Variants in RAD51B observed in about 807,000 individuals in gnomAD.
RAD51B encodes DNA repair protein RAD51 homolog 2.
In RAD51B, 38 loss-of-function variants were observed where a neutral mutation model predicts 42.2. That is an observed-to-expected ratio of 0.90 (90% confidence interval 0.70 to 1.18). The LOEUF (loss-of-function observed/expected upper bound fraction) is 1.18. Ranked by LOEUF, RAD51B falls within the 50% of genes most tolerant of loss-of-function variation. The pLI is 0.00. For missense variants in RAD51B, 373 were observed against 400.7 expected, an observed-to-expected ratio of 0.93 and a Z score of 0.59; for synonymous variants, 154 against 145.2, an observed-to-expected ratio of 1.06 and a Z score of -0.43.
chr14:68,652,565 G>A (rs183031399), intron 11 of RAD51B, among the ~76,000 whole-genome samples: 1 of 152,304 alleles, frequency 6.6e-6, no homozygotes, highest in East Asian at 1.9e-4. Flanking sequence ...TACTCGCTTT[G>A]TCCAGAAGTT....
intron 7 of RAD51B, among the ~76,000 whole-genome samples, chr14:68,225,615 A>G (rs1026853499): frequency 2.0e-5 from 3 of 152,204 alleles, no homozygotes; most frequent in South Asian, 2.1e-4. Context: ...ATTCATGGGT[A>G]GGGGTTGAAT....
chr14:68,609,817 G>A (rs949977068), intron 10 of RAD51B, among the ~76,000 whole-genome samples: 6 of 152,218 alleles, frequency 3.9e-5, no homozygotes, highest in African/African-American at 7.2e-5. Flanking sequence ...CAGTGGCCCA[G>A]GAGCCAACCC....
At chr14:68,612,578 C>G (rs145297134), downstream of RAD51B, among the ~76,000 whole-genome samples, 19 of 152,146 alleles carry the variant, frequency 1.2e-4, no homozygotes, top group African/African-American at 4.6e-4. Context: ...TTCACAGAGA[C>G]AGAAAGTAGA....
At chr14:68,661,959 C>G (rs990592830) in intron 11 of RAD51B, among the ~76,000 whole-genome samples, 36 of 152,226 alleles carry the variant, frequency 2.4e-4, no homozygotes, top group Non-Finnish European at 4.4e-5. Flanking sequence ...TTTGCCAGCT[C>G]TCTTATTTAT....
At chr14:68,151,562 G>A (rs2078379999) in intron 7 of RAD51B, among the ~76,000 whole-genome samples, 1 of 151,694 alleles carries the variant, frequency 6.6e-6, no homozygotes, top group African/African-American at 2.4e-5. Context: ...AACTGAAATT[G>A]TCCCACAGCT....
rs746531915 is a variant in RAD51B, at chr14:68,411,489, C to G, written c.919C>G (p.Arg307Gly). The change falls in exon 9 of 11, where the codon CGG becomes GGG. Residue 307 changes from arginine to glycine, a missense_variant. Transcript: ENST00000471583. ...GNTWSHSVNT[R>G]LILQYLDSER... ...TACCTGGAGTCACAGTGTGAATACC[C>G]GGCTGATCCTCCAGTACCTTGATTC... 3 of 1,614,092 alleles carry G rather than the reference C, an allele frequency of 1.9e-6. No individual in the cohort carries two copies. In the East Asian group the frequency reaches 6.7e-5, roughly 36 times the overall value.
chr14:68,172,475 C>T (rs1055311594), intron 7 of RAD51B, among the ~76,000 whole-genome samples: 10 of 152,142 alleles, frequency 6.6e-5, no homozygotes, highest in African/African-American at 1.7e-4. Flanking sequence ...GTCACATAAC[C>T]GTTTGCAAGT....
At chr14:68,447,491 A>G (rs76424250) in intron 9 of RAD51B, among the ~76,000 whole-genome samples, 4 of 58 alleles carry the variant, frequency 0.069, no homozygotes, top group Non-Finnish European at 0.12. Context: ...AGTAGAGAGA[A>G]AAAAAAAAAG....
At chr14:67,863,150 ATTTTT>A (rs5809367) in intron 4 of RAD51B, among the ~76,000 whole-genome samples, 2 of 74,030 alleles carry the variant, frequency 2.7e-5, no homozygotes, top group African/African-American at 9.3e-5. Flanking sequence ...AAATATGGGA[ATTTTT>A]TTTTTTTTTT....
At chr14:68,434,982 G>T (rs891495984) in intron 9 of RAD51B, among the ~76,000 whole-genome samples, 1 of 152,142 alleles carries the variant, frequency 6.6e-6, no homozygotes, top group Non-Finnish European at 1.5e-5. Flanking sequence ...ATGAACATGG[G>T]TGTGCTGATA....
intron 8 of RAD51B, among the ~76,000 whole-genome samples, chr14:68,302,012 C>T (rs549793250): frequency 6.6e-6 from 1 of 152,268 alleles, no homozygotes; most frequent in African/African-American, 2.4e-5. Flanking sequence ...TTAATAAATA[C>T]TGTATGATGA....
At chr14:68,435,255 A>G (rs1178939094) in intron 9 of RAD51B, among the ~76,000 whole-genome samples, 3 of 152,096 alleles carry the variant, frequency 2.0e-5, no homozygotes, top group African/African-American at 4.8e-5. Context: ...CTTAGCTCCC[A>G]CTTATAAGTG....
chr14:68,631,838 C>T (rs528901731), intron 10 of RAD51B, among the ~76,000 whole-genome samples: 1 of 152,178 alleles, frequency 6.6e-6, no homozygotes, highest in Non-Finnish European at 1.5e-5. Flanking sequence ...GTGTGCGCTG[C>T]GTGCTGGCCA....
intron 11 of RAD51B, among the ~76,000 whole-genome samples, chr14:68,657,730 G>C (rs891643644): frequency 6.6e-6 from 1 of 152,266 alleles, no homozygotes; most frequent in African/African-American, 2.4e-5. Flanking sequence ...AGTGTGTGGA[G>C]GATTTGACAG....
chr14:67,995,713 G>T (rs1002954448), intron 7 of RAD51B, among the ~76,000 whole-genome samples: 2 of 151,728 alleles, frequency 1.3e-5, no homozygotes, highest in African/African-American at 4.8e-5. Context: ...CGCCTCCTGG[G>T]TTCATGCCAT....
intron 10 of RAD51B, among the ~76,000 whole-genome samples, chr14:68,532,564 C>T (rs1003089538): frequency 6.6e-6 from 1 of 152,112 alleles, no homozygotes; most frequent in Non-Finnish European, 1.5e-5. Flanking sequence ...CAACCAATAA[C>T]CCATGTAGGA....
intron 11 of RAD51B, among the ~76,000 whole-genome samples, chr14:68,659,656 C>G (rs1399784931): frequency 6.6e-6 from 1 of 152,214 alleles, no homozygotes; most frequent in Non-Finnish European, 1.5e-5. Context: ...AAAGGAGATT[C>G]TGGAGAGGCA....
intron 10 of RAD51B, among the ~76,000 whole-genome samples, chr14:68,475,782 A>G (rs1882530670): frequency 6.6e-6 from 1 of 152,188 alleles, no homozygotes; most frequent in African/African-American, 2.4e-5. Context: ...CTGGATTTAC[A>G]TTTCTCTTTT....
intron 10 of RAD51B, among the ~76,000 whole-genome samples, chr14:68,582,717 G>A (rs1056089002): frequency 1.3e-5 from 2 of 152,110 alleles, no homozygotes; most frequent in East Asian, 1.9e-4. Flanking sequence ...TGTTTATTGT[G>A]GCACTGTTCA....
Sources: gnomAD v4.1 joint callset for allele counts (sites outside exome capture counted in the v4.1 genomes callset) on GRCh38, gnomAD v4.1.1 for gene constraint, MANE v1.5 for transcripts, NCBI Gene and HGNC (gene_info 2026-07-23, HGNC 2026-07-21) for gene names.